ATAD3B: variants seen among roughly 807,000 people sequenced by gnomAD.
ATAD3B encodes ATPase family AAA domain containing 3B.
A neutral mutation model predicts 70.2 loss-of-function variants in ATAD3B; 59 were observed. The ratio of observed to expected loss-of-function variants is 0.84; its 90% CI spans 0.68 to 1.04. The LOEUF is 1.04. Among genes scored for constraint, ATAD3B ranks in the 50% least tolerant of loss-of-function variants. The probability of loss-of-function intolerance (pLI) is 0.00; values close to 1 mark genes in which losing one functional copy is unlikely to be tolerated. For synonymous variants in ATAD3B, 423 were observed against 388.6 expected, an observed-to-expected ratio of 1.09 and a Z score of -1.04; for missense variants, 961 against 913.4, an observed-to-expected ratio of 1.05 and a Z score of -0.67.
Position 1,480,003 on chromosome 1 carries a change from C to T in ATAD3B, c.445-864C>T, listed in dbSNP as rs1443398507. 2.7e-5 allele frequency among the ~76,000 whole-genome samples: 4 copies of T among 145,774 alleles called. No individual in the cohort carries two copies. In the East Asian group the frequency reaches 8.4e-4, roughly 31 times the overall value. ...ACAGGCATGGACACACGCACACCCC[C>T]TCACACATAGGCACACATACACAAC... On this transcript the variant is annotated intron_variant, in intron 4 of 15. Coordinates refer to ENST00000673477, the MANE Select transcript of ATAD3B (RefSeq NM_031921.6).
At chr1:1,501,952 C>A (rs1467780085), downstream of ATAD3B, among the ~76,000 whole-genome samples, 1 of 151,860 alleles carries the variant, frequency 6.6e-6, no homozygotes, top group African/African-American at 2.4e-5. Flanking sequence ...TGTGTTGGCT[C>A]ACCGCAACCT....
intron 4 of ATAD3B, 113 bp from the exon 5 acceptor site, chr1:1,480,754 G>A: frequency 6.5e-7 from 1 of 1,536,240 alleles, no homozygotes; most frequent in Non-Finnish European, 8.8e-7. Context: ...AGGTCCCCAG[G>A]TGCCCAGGAC....
chr1:1,484,992 G>T, intron 7 of ATAD3B, 24 bp from the exon 8 acceptor site: 1 of 1,593,314 alleles, frequency 6.3e-7, no homozygotes, highest in Non-Finnish European at 8.5e-7. Flanking sequence ...GGGCCGGTGC[G>T]CCAGTGCGGT....
At chr1:1,498,994 C>A (rs183870600), downstream of ATAD3B, among the ~76,000 whole-genome samples, 646 of 147,390 alleles carry the variant, frequency 4.4e-3, 2 homozygotes, top group Non-Finnish European at 5.9e-3. Context: ...CTTTTTGAGA[C>A]AGAGTCTCAT....
At chr1:1,494,247 C>T (rs528427216) in intron 15 of ATAD3B, among the ~76,000 whole-genome samples, 2 of 146,468 alleles carry the variant, frequency 1.4e-5, no homozygotes, top group East Asian at 3.9e-4. Flanking sequence ...CCTGCCAGGT[C>T]CCGTGCTTCC....
intron 15 of ATAD3B, among the ~76,000 whole-genome samples, chr1:1,492,258 GAGA>G (rs1475343023): frequency 2.6e-5 from 4 of 152,036 alleles, no homozygotes; most frequent in South Asian, 2.1e-4. Flanking sequence ...AGGCCAAGGA[GAGA>G]AGATCACTTG....
intron 13 of ATAD3B, chr1:1,489,979 C>T (rs1026743250): frequency 3.2e-5 from 42 of 1,296,794 alleles, no homozygotes; most frequent in Middle Eastern, 3.1e-4. Context: ...GTGGTGTTCC[C>T]GGCACTGCCT....
chr1:1,475,282 G>A (rs2100520732), intron 1 of ATAD3B, among the ~76,000 whole-genome samples: 1 of 151,172 alleles, frequency 6.6e-6, no homozygotes, highest in South Asian at 2.1e-4. Context: ...CTTTCATTTT[G>A]ATCCCTTCTC....
intron 11 of ATAD3B, 128 bp downstream of exon 11, chr1:1,486,796 A>T (rs1047924061): frequency 3.4e-5 from 51 of 1,486,244 alleles, no homozygotes; most frequent in Non-Finnish European, 4.3e-5. Context: ...GCCACGCAGG[A>T]GGCCCAATGG....
chr1:1,495,828 G>C lies in ATAD3B; in HGVS notation c.*11G>C, dbSNP rs376741902. ...CACCCCCTGTTGTAGGCACTGGCTAGGGAGGGGCAGGCCTCCTTCCTGCCC... is the reference window on the plus strand; with the variant it reads ...CACCCCCTGTTGTAGGCACTGGCTACGGAGGGGCAGGCCTCCTTCCTGCCC... On this transcript the variant is annotated 3_prime_UTR_variant, in exon 16 of 16. Coordinates refer to ENST00000673477, the MANE Select transcript of ATAD3B (RefSeq NM_031921.6). The C allele has an allele frequency of 1.7e-5, 26 of 1,540,472 alleles. No individual in the cohort carries two copies. In the African/African-American group the frequency reaches 2.6e-4, roughly 15 times the overall value.
chr1:1,477,126 G>C lies in ATAD3B; in HGVS notation c.206-148G>C, dbSNP rs535721333. The C allele has an allele frequency of 4.7e-4, 501 of 1,055,978 alleles. 3 individuals carry two copies. The African/African-American group carries it at 7.0e-3, about 15-fold the overall frequency. The allele number at this position is 1,055,978 out of a possible 1,614,324, so 65.4% of individuals were successfully genotyped here. On this transcript the variant is annotated intron_variant, in intron 1 of 15. Transcript: ENST00000673477. ...CGGGGTTCAAGCCATCCTCCCACCTGAGCCTCAGAGTTGCTGGGATTACAG... is the reference window on the plus strand; with the variant it reads ...CGGGGTTCAAGCCATCCTCCCACCTCAGCCTCAGAGTTGCTGGGATTACAG...
At chr1:1,473,918 T>TC (rs1393376943) in intron 1 of ATAD3B, among the ~76,000 whole-genome samples, 1 of 151,996 alleles carries the variant, frequency 6.6e-6, no homozygotes, top group Non-Finnish European at 1.5e-5. Flanking sequence ...CCTGTGCCCT[T>TC]CCCCGGGGTG....
the ATAD3B span, among the ~76,000 whole-genome samples, chr1:1,508,536 G>T: frequency 6.6e-6 from 1 of 151,368 alleles, no homozygotes; most frequent in Non-Finnish European, 1.5e-5. Flanking sequence ...CCCAGTGGGG[G>T]TCCCCACACC....
chr1:1,500,881 C>T (rs1489180518), downstream of ATAD3B, among the ~76,000 whole-genome samples: 2 of 151,790 alleles, frequency 1.3e-5, no homozygotes, highest in South Asian at 2.1e-4. Context: ...GGCATGAACC[C>T]GGGAGGCGGA....
chr1:1,492,723 G>A (rs1040284510), intron 15 of ATAD3B, among the ~76,000 whole-genome samples: 2 of 151,096 alleles, frequency 1.3e-5, no homozygotes, highest in African/African-American at 2.4e-5. Context: ...GCGGATCACG[G>A]GGTCAGGAGT....
Position 1,487,931 on chromosome 1 carries a change from C to T in ATAD3B, c.1266+17C>T, listed in dbSNP as rs1557810676. ...CGAGCCACTGTGAGTGTCACTAAGC[C>T]TCTGTCTGGCCACAGGAGGGTGGTC... On this transcript the variant is annotated intron_variant, in intron 12 of 15. Transcript: ENST00000673477. 1.2e-6 allele frequency: 2 copies of T among 1,612,810 alleles called. No individual in the cohort carries two copies. Among genetic ancestry groups the T allele is most frequent in the Non-Finnish European group, 1.7e-6 (2 of 1,179,194 alleles).
At chr1:1,486,412 G>A (rs1054160669) in intron 10 of ATAD3B, 132 bp from the exon 11 acceptor site, 14 of 1,594,138 alleles carry the variant, frequency 8.8e-6, no homozygotes, top group African/African-American at 4.1e-5. Flanking sequence ...GGCGGGGGAC[G>A]TCTCCTGTCT....
the ATAD3B span, among the ~76,000 whole-genome samples, chr1:1,504,388 A>G: frequency 6.6e-6 from 1 of 151,884 alleles, no homozygotes; most frequent in African/African-American, 2.4e-5. Flanking sequence ...GGTGGCTCAC[A>G]CCTGTAATCT....
intron 5 of ATAD3B, among the ~76,000 whole-genome samples, chr1:1,481,702 C>G (rs1160161151): frequency 2.7e-5 from 4 of 146,052 alleles, no homozygotes; most frequent in Non-Finnish European, 6.0e-5. Context: ...TCCTTCAGAA[C>G]TCCGCGTTCT....
Sources: gnomAD v4.1 joint callset for allele counts (sites outside exome capture counted in the v4.1 genomes callset) on GRCh38, gnomAD v4.1.1 for gene constraint, MANE v1.5 for transcripts, NCBI Gene and HGNC (gene_info 2026-07-23, HGNC 2026-07-21) for gene names.